WDR37: variants seen among roughly 807,000 people sequenced by gnomAD.
WDR37 encodes WD repeat domain 37.
A neutral mutation model predicts 62.9 loss-of-function variants in WDR37; 19 were observed. The ratio of observed to expected loss-of-function variants is 0.30; its 90% CI spans 0.21 to 0.44. The LOEUF is 0.44. WDR37 is among the 20% of genes least tolerant of loss of function. The pLI, the probability that WDR37 is intolerant of heterozygous loss-of-function variation, is 1.00. For synonymous variants in WDR37, 250 were observed against 260.9 expected (o/e 0.96, Z 0.40); for missense variants, 474 against 657.6 (o/e 0.72, Z 3.05).
intron 13 of WDR37, among the ~76,000 whole-genome samples, chr10:1,127,282 T>C (rs1167642326): frequency 6.6e-6 from 1 of 152,248 alleles, no homozygotes; most frequent in African/African-American, 2.4e-5. Context: ...CTGTGAACAT[T>C]CAACTTTGTT....
intron 13 of WDR37, among the ~76,000 whole-genome samples, chr10:1,129,004 C>A (rs887469058): frequency 1.3e-5 from 2 of 150,870 alleles, no homozygotes; most frequent in Non-Finnish European, 3.0e-5. Context: ...CACGGTGGTC[C>A]ATGATCTGTG....
chr10:1,101,905 A>T lies in WDR37; in HGVS notation c.727-1697A>T, dbSNP rs1012020468. On this transcript the variant is annotated intron_variant, in intron 9 of 13. Coordinates refer to ENST00000263150, the MANE Select transcript of WDR37 (RefSeq NM_014023.4). ...GTCCTGTTTTATTTTACTTCATAGAAGTTACTACCACCTTACTCTGTGTCT... is the reference window on the plus strand; with the variant it reads ...GTCCTGTTTTATTTTACTTCATAGATGTTACTACCACCTTACTCTGTGTCT... Among the ~76,000 whole-genome samples, 11 of 152,236 alleles carry T rather than the reference A, an allele frequency of 7.2e-5. No homozygotes were observed. The South Asian group carries it at 2.3e-3, about 32-fold the overall frequency.
rs376019718 is a variant in WDR37 at position 1,122,563 on chromosome 10, C to T, written c.1104-1655C>T. 4.5e-4 allele frequency among the ~76,000 whole-genome samples: 69 copies of T among 152,334 alleles called. 1 individual carries two copies. In the East Asian group the frequency reaches 6.8e-3, roughly 15 times the overall value. ...CCCTGAGCCAGGCAGGACGCGCAGC[C>T]CCCTGGCCGTTGCTGAAGACAGCAG... is the stretch of plus-strand genomic sequence containing the variant. On this transcript the variant is annotated intron_variant, in intron 11 of 13. Transcript: ENST00000263150.
At chr10:1,078,339 A>G (rs1227118813) in intron 3 of WDR37, among the ~76,000 whole-genome samples, 1 of 152,240 alleles carries the variant, frequency 6.6e-6, no homozygotes, top group Non-Finnish European at 1.5e-5. Context: ...TGCATATACT[A>G]TATCTGACTT....
intron 6 of WDR37, among the ~76,000 whole-genome samples, chr10:1,085,824 A>T (rs544343298): frequency 6.6e-6 from 1 of 152,232 alleles, no homozygotes; most frequent in Non-Finnish European, 1.5e-5. Flanking sequence ...AGATTTTCCC[A>T]TTAAATCTAC....
At chr10:1,129,192 G>A (rs1259533637) in intron 13 of WDR37, 21 bp from the exon 14 acceptor site, 1 of 1,608,746 alleles carries the variant, frequency 6.2e-7, no homozygotes, top group Non-Finnish European at 8.5e-7. Context: ...CACTGATTTT[G>A]GTTTGTTTGA....
intron 1 of WDR37, among the ~76,000 whole-genome samples, chr10:1,057,545 T>C (rs1833231702): frequency 6.6e-6 from 1 of 152,074 alleles, no homozygotes; most frequent in Admixed American, 6.5e-5. Flanking sequence ...ATGATATTGT[T>C]CCCCTTTTGA....
intron 2 of WDR37, chr10:1,074,554 G>T (rs1020570425): frequency 2.3e-6 from 3 of 1,302,380 alleles, no homozygotes; most frequent in Non-Finnish European, 3.0e-6. Flanking sequence ...TGCCCTGGGC[G>T]GGAGAGGTGA....
At chr10:1,065,562 G>C (rs574478016) in intron 1 of WDR37, among the ~76,000 whole-genome samples, 1 of 151,950 alleles carries the variant, frequency 6.6e-6, no homozygotes, top group African/African-American at 2.4e-5. Flanking sequence ...TGAAAGTCAT[G>C]AGTGTAATTG....
chr10:1,113,623 A>C (rs1249211337), intron 11 of WDR37, among the ~76,000 whole-genome samples: 1 of 152,222 alleles, frequency 6.6e-6, no homozygotes, highest in Non-Finnish European at 1.5e-5. Context: ...GGAATTTGAG[A>C]GACGTTGAGG....
chr10:1,096,051 C>G, intron 8 of WDR37, 119 bp from the exon 9 acceptor site: 1 of 851,194 alleles, frequency 1.2e-6, no homozygotes, highest in Non-Finnish European at 1.9e-6. Flanking sequence ...ACATTCCTCT[C>G]ACTAAGTGGT....
rs1175284207 is a variant in WDR37, at chr10:1,105,450, A to G, written c.1103+183A>G. 6.6e-6 allele frequency among the ~76,000 whole-genome samples: 1 copy of G among 152,164 alleles called. No individual in the cohort carries two copies. Among genetic ancestry groups the G allele is most frequent in the Non-Finnish European group, 1.5e-5 (1 of 68,034 alleles). On this transcript the variant is annotated intron_variant, in intron 11 of 13. Transcript: ENST00000263150. The surrounding 1 kb of genome is among the most constrained non-coding windows in gnomAD (Gnocchi z 5.3). ...TTTAGCTCCATTTTGGCTATTTCAA[A>G]GGATGTAGGAGATTAAGAGAAGGCA...
chr10:1,091,481 A>G (rs1834385962), intron 7 of WDR37, among the ~76,000 whole-genome samples: 1 of 152,246 alleles, frequency 6.6e-6, no homozygotes, highest in South Asian at 2.1e-4. Context: ...TTAGAAAAAT[A>G]TAATTCTAAT....
intron 6 of WDR37, 26 bp from the exon 7 acceptor site, chr10:1,086,260 C>G (rs768117911): frequency 6.2e-7 from 1 of 1,605,420 alleles, no homozygotes; most frequent in Non-Finnish European, 8.5e-7. Context: ...TAGCTAAGTT[C>G]CGACTTCTTC....
chr10:1,117,202 G>A (rs958365868), intron 11 of WDR37, among the ~76,000 whole-genome samples: 1 of 152,066 alleles, frequency 6.6e-6, no homozygotes, highest in Non-Finnish European at 1.5e-5. Flanking sequence ...CTACAGGGCT[G>A]TGCCACCACT....
chr10:1,062,333 A>G (rs561780922), intron 1 of WDR37, among the ~76,000 whole-genome samples: 1 of 152,354 alleles, frequency 6.6e-6, no homozygotes, highest in South Asian at 2.1e-4. Context: ...AGCCAGTGAG[A>G]TAAAATCAGT....
At chr10:1,083,863 C>A (rs1000177811) in intron 5 of WDR37, among the ~76,000 whole-genome samples, 1 of 152,218 alleles carries the variant, frequency 6.6e-6, no homozygotes, top group African/African-American at 2.4e-5. Flanking sequence ...ACCGGCACAC[C>A]TATTAGTGTC....
chr10:1,118,471 C>T (rs1349372235), intron 11 of WDR37, among the ~76,000 whole-genome samples: 1 of 148,568 alleles, frequency 6.7e-6, no homozygotes, highest in African/African-American at 2.5e-5. Flanking sequence ...TGTTTGAAGT[C>T]CCTGCACACA....
chr10:1,081,598 A>T (rs896517165), intron 5 of WDR37, among the ~76,000 whole-genome samples: 1 of 152,064 alleles, frequency 6.6e-6, no homozygotes, highest in African/African-American at 2.4e-5. Flanking sequence ...GGTATTTTCT[A>T]CTGTACTTTC....
Sources: gnomAD v4.1 joint callset for allele counts (sites outside exome capture counted in the v4.1 genomes callset) on GRCh38, gnomAD v4.1.1 for gene constraint, Gnocchi (gnomAD v3.1) non-coding constraint, MANE v1.5 for transcripts, NCBI Gene and HGNC (gene_info 2026-07-23, HGNC 2026-07-21) for gene names.